MMRN1: variants seen among roughly 807,000 people sequenced by gnomAD.
The protein encoded by MMRN1 is multimerin 1.
Under a neutral mutation model 100.7 loss-of-function variants are expected in MMRN1, and 94 were observed. That is an observed-to-expected ratio of 0.93 (90% confidence interval 0.79 to 1.11). The LOEUF (loss-of-function observed/expected upper bound fraction) is 1.11, where lower values mean the gene tolerates loss of function less well. Ranked by LOEUF, MMRN1 falls within the 50% of genes least tolerant of loss-of-function variation. The probability of loss-of-function intolerance (pLI) is 0.00; values close to 1 mark genes in which losing one functional copy is unlikely to be tolerated. For synonymous variants in MMRN1, 575 were observed against 505.0 expected (o/e 1.14, Z -1.86); for missense variants, 1,606 against 1,439.1 (o/e 1.12, Z -1.88).
At chr4:89,893,500 AT>A (rs1721101094), upstream of MMRN1, among the ~76,000 whole-genome samples, 1 of 152,134 alleles carries the variant, frequency 6.6e-6, no homozygotes, top group Non-Finnish European at 1.5e-5. Flanking sequence ...CAGGCATTAG[AT>A]TTCCAATTCT....
chr4:89,895,050 T>A lies in MMRN1; in HGVS notation c.79T>A (p.Trp27Arg). 1 of 1,613,922 alleles carries A rather than the reference T, an allele frequency of 6.2e-7. No homozygotes were observed. Among genetic ancestry groups the A allele is most frequent in the Non-Finnish European group, 8.5e-7 (1 of 1,179,896 alleles). The change falls in exon 1 of 8, where the codon TGG (tryptophan) becomes AGG (arginine). Residue 27 changes from tryptophan to arginine, a missense_variant. By Grantham distance (101) the Trp-to-Arg change is moderately radical. Transcript: ENST00000264790. ...GIGLNNSKHSWTIPEDGNSQK... is the reference protein window; with the variant it reads ...GIGLNNSKHSRTIPEDGNSQK... ...TGGGCTTAACAACAGTAAGCATTCT[T>A]GGACTATACCTGAGGATGGGAACTC...
At chr4:89,894,010 T>C (rs1215499521), upstream of MMRN1, among the ~76,000 whole-genome samples, 1 of 152,126 alleles carries the variant, frequency 6.6e-6, no homozygotes, top group Admixed American at 6.5e-5. Context: ...ACAACTGGCA[T>C]AATTTTGTCC....
At chr4:89,923,544 T>C (rs1225414037) in intron 4 of MMRN1, among the ~76,000 whole-genome samples, 1 of 152,180 alleles carries the variant, frequency 6.6e-6, no homozygotes, top group African/African-American at 2.4e-5. Context: ...AAACCACAGT[T>C]TTCCAAAATA....
intron 1 of MMRN1, among the ~76,000 whole-genome samples, chr4:89,907,895 ATAGT>A (rs1299749889): frequency 7.0e-6 from 1 of 143,012 alleles, no homozygotes; most frequent in African/African-American, 2.6e-5. Flanking sequence ...GCTTTTTCTC[ATAGT>A]TAGTTTTGTC....
At chr4:89,927,645 G>A in intron 4 of MMRN1, 150 bp from the exon 5 acceptor site, 1 of 627,426 alleles carries the variant, frequency 1.6e-6, no homozygotes, top group Admixed American at 3.7e-5. Context: ...AGCTTCTAGT[G>A]CTTTGTTGAA....
In MMRN1 at chr4:89,945,189, T is replaced by C. The variant is rs114701552; in HGVS notation, c.3119-6416T>C. On this transcript the variant is annotated intron_variant, in intron 6 of 7. Transcript: ENST00000264790. ...CATCCATGTTCTTGCATGTATTCAT[T>C]TTTATTCATAAGTAGTGTATAGTAT... Among the ~76,000 whole-genome samples the C allele has an allele frequency of 8.2e-3, 1,247 of 152,266 alleles. 12 individuals carry two copies. The highest frequency in any genetic ancestry group is 0.029 in the African/African-American group (1,195 of 41,574).
At chr4:89,925,632 A>C (rs912322522) in intron 4 of MMRN1, among the ~76,000 whole-genome samples, 22 of 151,868 alleles carry the variant, frequency 1.4e-4, no homozygotes, top group African/African-American at 3.4e-4. Flanking sequence ...GAGATCAAGA[A>C]CATCCTGGCC....
chr4:89,885,104 T>C (rs1412632059), intron 1 of MMRN1, among the ~76,000 whole-genome samples: 2 of 152,054 alleles, frequency 1.3e-5, no homozygotes, highest in African/African-American at 2.4e-5. Flanking sequence ...CTTAGATGTA[T>C]ATACATACAT....
chr4:89,896,299 G>A (rs1200089179), intron 1 of MMRN1, among the ~76,000 whole-genome samples: 2 of 152,118 alleles, frequency 1.3e-5, no homozygotes, highest in South Asian at 2.1e-4. Context: ...TTTGAGTTGT[G>A]TTGCCATCAT....
intron 6 of MMRN1, among the ~76,000 whole-genome samples, chr4:89,938,421 A>G (rs2110639771): frequency 6.8e-6 from 1 of 147,382 alleles, no homozygotes; most frequent in African/African-American, 2.5e-5. Context: ...ATGATCTTCA[A>G]TTAGCTATAC....
At chr4:89,922,955 T>C (rs1439622515) in intron 3 of MMRN1, among the ~76,000 whole-genome samples, 2 of 151,916 alleles carry the variant, frequency 1.3e-5, no homozygotes, top group African/African-American at 4.8e-5. Flanking sequence ...TATTTTTTTT[T>C]CCAAGCAGAA....
At chr4:89,897,632 T>A (rs1190383263) in intron 1 of MMRN1, among the ~76,000 whole-genome samples, 2 of 152,200 alleles carry the variant, frequency 1.3e-5, no homozygotes, top group Non-Finnish European at 2.9e-5. Flanking sequence ...TTAGAACTAG[T>A]AACTAATAGT....
At chr4:89,939,580 T>C (rs959436892) in intron 6 of MMRN1, among the ~76,000 whole-genome samples, 2 of 152,096 alleles carry the variant, frequency 1.3e-5, no homozygotes, top group African/African-American at 4.8e-5. Flanking sequence ...TCGGAGACAT[T>C]AACTAAAGTA....
At chr4:89,882,603 T>C (rs114608289) in intron 1 of MMRN1, among the ~76,000 whole-genome samples, 3,185 of 151,970 alleles carry the variant, frequency 0.021, 93 homozygotes, top group African/African-American at 0.073. Context: ...ACTCTCTGTG[T>C]TGTAGATAAT....
rs1376043606 is a variant in MMRN1 at position 89,931,359 on chromosome 4, A to C, written c.1129+3391A>C. Among the ~76,000 whole-genome samples, 5 of 152,172 alleles carry C rather than the reference A, an allele frequency of 3.3e-5. No individual in the cohort carries two copies. In the South Asian group the frequency reaches 8.3e-4, roughly 25 times the overall value. On this transcript the variant is annotated intron_variant, in intron 5 of 7. Coordinates refer to ENST00000264790, the MANE Select transcript of MMRN1 (RefSeq NM_007351.3). Reference sequence around the variant, plus strand: ...TCATGTATGTTAAAAACTTACTTACAAAATGGAGACATGTGGAGCCTATTT... The same window carrying C: ...TCATGTATGTTAAAAACTTACTTACCAAATGGAGACATGTGGAGCCTATTT...
At chr4:89,952,848 G>T in intron 7 of MMRN1, 149 bp from the exon 8 acceptor site, 1 of 671,872 alleles carries the variant, frequency 1.5e-6, no homozygotes. Flanking sequence ...GACAGGCATT[G>T]AGACACGTGC....
At chr4:89,927,232 T>C (rs1429340145) in intron 4 of MMRN1, among the ~76,000 whole-genome samples, 2 of 152,102 alleles carry the variant, frequency 1.3e-5, no homozygotes, top group Non-Finnish European at 2.9e-5. Context: ...TTGGATAGTA[T>C]GGACATTTTA....
intron 6 of MMRN1, among the ~76,000 whole-genome samples, chr4:89,948,857 T>C (rs1030215063): frequency 6.6e-6 from 1 of 152,154 alleles, no homozygotes. Flanking sequence ...AGATAATCAG[T>C]AGGCACCATG....
At chr4:89,924,263 C>T (rs921731024) in intron 4 of MMRN1, among the ~76,000 whole-genome samples, 1 of 152,028 alleles carries the variant, frequency 6.6e-6, no homozygotes, top group Non-Finnish European at 1.5e-5. Context: ...TGGATTTCTG[C>T]CCCTTTGTTT....
Sources: allele counts gnomAD v4.1 joint callset (sites outside exome capture counted in the v4.1 genomes callset), GRCh38; gene constraint gnomAD v4.1.1; transcripts MANE v1.5; gene names NCBI Gene and HGNC (gene_info 2026-07-23, HGNC 2026-07-21).